The following GALNT17 variants were observed in gnomAD, a reference collection of about 807,000 sequenced individuals.
GALNT17 encodes the protein polypeptide N-acetylgalactosaminyltransferase 17.
A neutral mutation model predicts 63.7 loss-of-function variants in GALNT17; 29 were observed. That is an observed-to-expected ratio of 0.46 (90% CI 0.34 to 0.62). The LOEUF is 0.62. GALNT17 is among the 20% of genes least tolerant of loss of function. GALNT17 has a pLI of 0.01. For synonymous variants in GALNT17, 305 were observed against 318.3 expected (o/e 0.96, Z 0.45); for missense variants, 603 against 799.6 (o/e 0.75, Z 2.97).
At chr7:71,666,255 C>A (rs1477074726) in intron 7 of GALNT17, among the ~76,000 whole-genome samples, 1 of 151,478 alleles carries the variant, frequency 6.6e-6, no homozygotes, top group African/African-American at 2.4e-5. Context: ...ATGCTCAAGC[C>A]CCTGATGCAA....
At chr7:71,143,526 G>A (rs149822856) in intron 1 of GALNT17, among the ~76,000 whole-genome samples, 2,002 of 152,228 alleles carry the variant, frequency 0.013, 38 homozygotes, top group African/African-American at 0.044. Context: ...GAGTGTGTGG[G>A]GACATGTAAG....
rs75065828 is a variant in GALNT17, at chr7:71,291,849, A to G, written c.239-43701A>G. Among the ~76,000 whole-genome samples the G allele has an allele frequency of 1.4e-3, 209 of 152,098 alleles. 2 individuals carry two copies. In the East Asian group the frequency reaches 0.028, roughly 20 times the overall value. Reference sequence around the variant, plus strand: ...TTTTCGATTGTTTTAAATTTCTTGCATTTATTTATCAACCTAAAATTCTTT... The same window carrying G: ...TTTTCGATTGTTTTAAATTTCTTGCGTTTATTTATCAACCTAAAATTCTTT... On this transcript the variant is annotated intron_variant, in intron 1 of 10. Coordinates refer to ENST00000333538, the MANE Select transcript of GALNT17 (RefSeq NM_022479.3).
At chr7:71,332,826 G>A (rs1791829980) in intron 1 of GALNT17, among the ~76,000 whole-genome samples, 1 of 152,032 alleles carries the variant, frequency 6.6e-6, no homozygotes, top group South Asian at 2.1e-4. Flanking sequence ...CGAGTAGCTG[G>A]GATTACAGGC....
intron 5 of GALNT17, among the ~76,000 whole-genome samples, chr7:71,456,571 C>T (rs981804652): frequency 6.6e-6 from 1 of 151,708 alleles, no homozygotes; most frequent in South Asian, 2.1e-4. Flanking sequence ...CAAAACTTAG[C>T]CGGGCATGGT....
Position 71,712,048 on chromosome 7 carries a change from C to T in GALNT17, c.1699C>T (p.Arg567Cys), listed in dbSNP as rs1315959460. The T allele has an allele frequency of 1.9e-6, 3 of 1,614,096 alleles. No individual in the cohort carries two copies. The highest frequency in any genetic ancestry group is 2.7e-5 in the African/African-American group (2 of 75,026). ...AGCCATCATGAACAAGGGCACGGGACGCTGCCTGGAGGTGGAGAACCGGGG... is the reference window on the plus strand; with the variant it reads ...AGCCATCATGAACAAGGGCACGGGATGCTGCCTGGAGGTGGAGAACCGGGG... The part of the protein sequence containing the change: ...NGAIMNKGTG[R>C]CLEVENRGLA... Residue 567 changes from arginine (R) to cysteine (C), a missense_variant, in exon 11 of 11, where the codon CGC (arginine) becomes TGC (cysteine). Arg to Cys is a radical substitution (Grantham distance 180). Transcript: ENST00000333538.
At chr7:71,364,269 A>G (rs1029588337) in intron 2 of GALNT17, among the ~76,000 whole-genome samples, 4 of 152,162 alleles carry the variant, frequency 2.6e-5, no homozygotes, top group Admixed American at 6.6e-5. Flanking sequence ...GCCTCAGTAC[A>G]GATTTGGTGT....
intron 1 of GALNT17, among the ~76,000 whole-genome samples, chr7:71,187,654 C>T (rs935331890): frequency 1.3e-5 from 2 of 152,110 alleles, no homozygotes; most frequent in Non-Finnish European, 1.5e-5. Flanking sequence ...TACTGACGTG[C>T]ACATAGGTTG....
intron 1 of GALNT17, among the ~76,000 whole-genome samples, chr7:71,139,572 C>G (rs2116159398): frequency 6.6e-6 from 1 of 152,200 alleles, no homozygotes; most frequent in Non-Finnish European, 1.5e-5. Context: ...GATAGGAAAC[C>G]AAGACGCTCC....
intron 5 of GALNT17, among the ~76,000 whole-genome samples, chr7:71,508,419 T>C (rs896764901): frequency 6.6e-6 from 1 of 152,214 alleles, no homozygotes; most frequent in Admixed American, 6.5e-5. Flanking sequence ...TGTGACACTG[T>C]ATAATTTCCA....
intron 2 of GALNT17, among the ~76,000 whole-genome samples, chr7:71,355,173 A>G (rs932631769): frequency 6.6e-6 from 1 of 152,034 alleles, no homozygotes; most frequent in African/African-American, 2.4e-5. Context: ...GTATTTTTCT[A>G]TTCTCTGACT....
At position 71,557,087 on chromosome 7, in the gene GALNT17, C is replaced by T. The variant is rs145670967; in HGVS notation, c.963-14198C>T. The stretch of plus-strand genomic sequence containing the variant: ...TTTTTTTTTTGGGGAGAGATAGGGT[C>T]TCTCTATGTTGCCTCACTGGTCTCA... On this transcript the variant is annotated intron_variant, in intron 5 of 10. Transcript: ENST00000333538. Among the ~76,000 whole-genome samples, 52 of 146,818 alleles carry T rather than the reference C, an allele frequency of 3.5e-4. No homozygotes were observed. The East Asian group carries it at 9.5e-3, about 27-fold the overall frequency.
At chr7:71,557,566 G>T (rs917309643) in intron 5 of GALNT17, among the ~76,000 whole-genome samples, 1 of 152,156 alleles carries the variant, frequency 6.6e-6, no homozygotes, top group Admixed American at 6.5e-5. Flanking sequence ...GCTGAGGTAG[G>T]TGGATCACCT....
intron 9 of GALNT17, among the ~76,000 whole-genome samples, chr7:71,703,198 C>T (rs1014909106): frequency 2.0e-5 from 3 of 152,160 alleles, no homozygotes; most frequent in Admixed American, 1.3e-4. Context: ...TTTATAGATC[C>T]TGGTTTATTA....
intron 9 of GALNT17, among the ~76,000 whole-genome samples, chr7:71,679,380 T>C (rs913322725): frequency 6.6e-6 from 1 of 152,098 alleles, no homozygotes; most frequent in Admixed American, 6.6e-5. Context: ...GGTGACAGAG[T>C]GAGACCTTGT....
chr7:71,340,271 A>G (rs1791985817), intron 2 of GALNT17, among the ~76,000 whole-genome samples: 1 of 152,106 alleles, frequency 6.6e-6, no homozygotes, highest in Non-Finnish European at 1.5e-5. Context: ...TGGGAGGTTT[A>G]CTCCCTAGAG....
At chr7:71,228,156 G>A (rs1335721187) in intron 1 of GALNT17, among the ~76,000 whole-genome samples, 1 of 152,080 alleles carries the variant, frequency 6.6e-6, no homozygotes, top group African/African-American at 2.4e-5. Flanking sequence ...GGCCAGGGTG[G>A]GAAGGGGCCC....
intron 6 of GALNT17, among the ~76,000 whole-genome samples, chr7:71,631,143 G>C (rs2116988775): frequency 6.6e-6 from 1 of 152,220 alleles, no homozygotes; most frequent in South Asian, 2.1e-4. Context: ...TGTAGCCAGG[G>C]AACATTGTGG....
At chr7:71,388,934 C>T (rs1037867626) in intron 3 of GALNT17, among the ~76,000 whole-genome samples, 16 of 152,136 alleles carry the variant, frequency 1.1e-4, no homozygotes, top group African/African-American at 1.4e-4. Context: ...TAGCAGTCTG[C>T]GGCCTGTTAG....
At chr7:71,450,790 C>A (rs1787247531) in intron 5 of GALNT17, among the ~76,000 whole-genome samples, 1 of 152,144 alleles carries the variant, frequency 6.6e-6, no homozygotes, top group Non-Finnish European at 1.5e-5. Flanking sequence ...TTTCTGTTAG[C>A]ATCATGCTTT....
Sources: gnomAD v4.1 joint callset for allele counts (sites outside exome capture counted in the v4.1 genomes callset) on GRCh38, gnomAD v4.1.1 for gene constraint, MANE v1.5 for transcripts, NCBI Gene and HGNC (gene_info 2026-07-23, HGNC 2026-07-21) for gene names.